KDM5C: variants seen among roughly 807,000 people sequenced by gnomAD.
KDM5C encodes lysine-specific demethylase 5C.
In KDM5C, 16 loss-of-function variants were observed where a neutral mutation model predicts 110.6. That is an observed-to-expected ratio of 0.14 (90% confidence interval 0.10 to 0.22). KDM5C has a LOEUF of 0.22. Among genes scored for constraint, KDM5C ranks in the 10% least tolerant of loss-of-function variants. The pLI is 1.00. For missense variants in KDM5C, 681 were observed against 1,300.9 expected (o/e 0.52, Z 7.33); for synonymous variants, 511 against 520.4 (o/e 0.98, Z 0.24).
In KDM5C at chrX:53,197,080, C is replaced by G. The variant is rs782304236; in HGVS notation, c.2623-36G>C. ...ACAGGATGAAGAACAAACTCCTCAG[C>G]TGGGCCCACTGAGGGGTTCCACCAC... On this transcript the variant is annotated intron_variant, in intron 18 of 25. Coordinates refer to ENST00000375401, the MANE Select transcript of KDM5C (RefSeq NM_004187.5). The G allele has an allele frequency of 9.6e-6, 10 of 1,040,188 alleles. No individual in the cohort carries two copies. The African/African-American group carries it at 1.7e-4, about 17-fold the overall frequency. 85.7% of individuals were successfully genotyped at this position (1,040,188 alleles called of 1,213,427 possible). A position where few individuals can be genotyped will look rare whatever the true frequency, so the allele number is the denominator to read the frequency against.
chrX:53,223,213 C>G (rs2073943061), intron 1 of KDM5C, among the ~76,000 whole-genome samples: 1 of 111,651 alleles, frequency 9.0e-6, no homozygotes, highest in South Asian at 3.7e-4. Flanking sequence ...CTACCCCCTA[C>G]GTCAGCTATG....
intron 12 of KDM5C, among the ~76,000 whole-genome samples, chrX:53,205,579 GCT>G (rs1556844766): frequency 8.9e-6 from 1 of 112,385 alleles, no homozygotes; most frequent in African/African-American, 3.2e-5. Flanking sequence ...TTAAGCCACA[GCT>G]CTGACAGGTA....
intron 10 of KDM5C, 46 bp downstream of exon 10, chrX:53,211,451 G>A (rs1379539434): frequency 1.7e-6 from 2 of 1,173,010 alleles, no homozygotes; most frequent in Admixed American, 2.2e-5. Context: ...TAAATGATTT[G>A]CCTAAGCTCA....
chrX:53,209,353 C>T (rs904557484), intron 12 of KDM5C, among the ~76,000 whole-genome samples: 13 of 110,703 alleles, frequency 1.2e-4, no homozygotes, highest in South Asian at 3.8e-4. Flanking sequence ...CTGTCCAATT[C>T]CCTAGATATC....
chrX:53,185,642 G>A (rs1274820728), intron 25 of KDM5C, among the ~76,000 whole-genome samples: 1 of 110,618 alleles, frequency 9.0e-6, no homozygotes, highest in African/African-American at 3.3e-5. Context: ...CATCTCCAAA[G>A]AGAAGTTGGG....
chrX:53,206,470 A>C (rs928722055), intron 12 of KDM5C, among the ~76,000 whole-genome samples: 1 of 111,969 alleles, frequency 8.9e-6, no homozygotes, highest in African/African-American at 3.3e-5. Flanking sequence ...ATCATACCGC[A>C]ATAAAACTTT....
chrX:53,203,563 A>T (rs1556843489), intron 12 of KDM5C, among the ~76,000 whole-genome samples: 1 of 111,638 alleles, frequency 9.0e-6, no homozygotes, highest in Non-Finnish European at 1.9e-5. Flanking sequence ...TTCATCTTTC[A>T]AAAGTGGAAA....
intron 12 of KDM5C, among the ~76,000 whole-genome samples, chrX:53,206,283 C>A (rs1465344475): frequency 1.8e-5 from 2 of 111,200 alleles, no homozygotes; most frequent in African/African-American, 6.6e-5. Flanking sequence ...AGACAGAAAA[C>A]AGATGAATGG....
chrX:53,209,710 C>T (rs2073499730), intron 12 of KDM5C, among the ~76,000 whole-genome samples: 1 of 111,826 alleles, frequency 8.9e-6, no homozygotes, highest in Admixed American at 9.5e-5. Context: ...AGATCCACAC[C>T]AGAAAACTGG....
rs2146812243 is a variant in KDM5C at position 53,193,169 on chromosome X, T to A, written c.4481A>T (p.Glu1494Val). 1 of 1,210,645 alleles carries A rather than the reference T, an allele frequency of 8.3e-7. No homozygotes were observed. The highest frequency in any genetic ancestry group is 1.1e-6 in the Non-Finnish European group (1 of 895,196). ...AGTCTCCTCCTCCAGCTCTTCCTCCTCCTGGACCTCCTCAGCCTCTGGCCC... is the reference window on the plus strand; with the variant it reads ...AGTCTCCTCCTCCAGCTCTTCCTCCACCTGGACCTCCTCAGCCTCTGGCCC... ...SSGPEAEEVQ[E>V]EEELEEETGG... Residue 1494 changes from glutamate (E) to valine (V), a missense_variant, in exon 26 of 26, where the codon GAG (glutamate) becomes GTG (valine). Transcript: ENST00000375401.
Position 53,194,432 on chromosome X carries a change from G to A in KDM5C, c.3745C>T (p.Arg1249Cys), listed in dbSNP as rs1934667873. Residue 1249 changes from arginine to cysteine, a missense_variant, in exon 23 of 26, where the codon CGC (arginine) becomes TGC (cysteine). This residue lies in a region of KDM5C where 12 missense variants were observed against 54.5 expected (regional missense o/e 0.22). Transcript: ENST00000375401. ...GTCTCCAGGCGCGGGCGCCTTGAGC[G>A]CATACACAGTGGACACAGGAATTTG... is the stretch of plus-strand genomic sequence containing the variant. ...DTKFLCPLCM[R>C]SRRPRLETIL... 8.3e-7 allele frequency: 1 copy of A among 1,209,517 alleles called. No homozygotes were observed. The highest frequency in any genetic ancestry group is 1.1e-6 in the Non-Finnish European group (1 of 894,390).
At chrX:53,197,946 G>T (rs1556838909) in intron 17 of KDM5C, 70 bp from the exon 18 acceptor site, 3 of 825,393 alleles carry the variant, frequency 3.6e-6, no homozygotes, top group Non-Finnish European at 5.3e-6. Flanking sequence ...TGCTAAGACT[G>T]AACACCTTTC....
rs1229745520 is a variant in KDM5C at position 53,194,072 on chromosome X, G to A, written c.4038+67C>T. 3.2e-5 allele frequency: 37 copies of A among 1,155,766 alleles called. No homozygotes were observed. The Admixed American group carries it at 3.6e-4, about 11-fold the overall frequency. On this transcript the variant is annotated intron_variant, in intron 23 of 25. Transcript: ENST00000375401. ...AAATTGGAGAACAAGGGGCAGGGCC[G>A]AGCCTAAACTGGGGTAGGGGCTAGG...
intron 12 of KDM5C, 24 bp downstream of exon 12, chrX:53,210,390 T>A: frequency 1.7e-6 from 2 of 1,210,979 alleles, no homozygotes; most frequent in Non-Finnish European, 2.2e-6. Flanking sequence ...TCCTGCCGCT[T>A]GTCCCTGTTG....
At position 53,183,438 on chromosome X, in the gene KDM5C, G is replaced by C. The variant is rs111556516; in HGVS notation, c.4309-6816C>G. 7.7e-3 allele frequency among the ~76,000 whole-genome samples: 819 copies of C among 106,331 alleles called. 5 individuals are homozygous for C. Among genetic ancestry groups the C allele is most frequent in the African/African-American group, 0.027 (780 of 29,182 alleles). 92.3% of individuals were successfully genotyped at this position (106,331 alleles called of 115,157 possible). A position where few individuals can be genotyped will look rare whatever the true frequency, so the allele number is the denominator to read the frequency against. ...CCACTGCACTCCAGCCTGGGCAACA[G>C]AGCAAGACTGTGTCTTGAAAAAAAA... is the stretch of plus-strand genomic sequence containing the variant. On this transcript the variant is annotated intron_variant, in intron 25 of 25. Transcript: ENST00000685641.
downstream of KDM5C, chrX:53,191,982 G>A (rs1934452822): frequency 5.8e-6 from 1 of 173,369 alleles, no homozygotes; most frequent in Admixed American, 8.0e-5. Context: ...TGGGGTTAGA[G>A]TCGGGGGAGG....
At chrX:53,180,333 T>C (rs1239684983) in intron 25 of KDM5C, among the ~76,000 whole-genome samples, 2 of 111,630 alleles carry the variant, frequency 1.8e-5, no homozygotes, top group African/African-American at 3.3e-5. Flanking sequence ...AACTACTCTG[T>C]ATGATACTAT....
Position 53,195,045 on chromosome X carries a change from G to A in KDM5C, c.3324C>T (p.Ala1108=), listed in dbSNP as rs782721047. 4.3e-5 allele frequency: 52 copies of A among 1,207,366 alleles called. No homozygotes were observed. The South Asian group carries it at 6.4e-4, about 15-fold the overall frequency. The change falls in exon 22 of 26, where the codon GCC becomes GCT. Residue 1108 remains alanine (A), a synonymous_variant. Coordinates refer to ENST00000375401, the MANE Select transcript of KDM5C (RefSeq NM_004187.5). ...LLEVLCPCAD[A]GSDSTKRSRW... ...GGCTGCGCTTGGTGCTGTCTGAGCCGGCATCTGCACATGGGCAGAGAACCT... is the reference window on the plus strand; with the variant it reads ...GGCTGCGCTTGGTGCTGTCTGAGCCAGCATCTGCACATGGGCAGAGAACCT...
chrX:53,185,863 C>T (rs1163288449), intron 25 of KDM5C, among the ~76,000 whole-genome samples: 2 of 111,611 alleles, frequency 1.8e-5, no homozygotes. Flanking sequence ...CAGCCTCTTC[C>T]CCAGTTCATA....
Sources: allele counts gnomAD v4.1 joint callset (sites outside exome capture counted in the v4.1 genomes callset), GRCh38; gene constraint gnomAD v4.1.1; regional missense constraint gnomAD v4.1.1; transcripts MANE v1.5; gene names NCBI Gene and HGNC (gene_info 2026-07-23, HGNC 2026-07-21).